The following EPHA6 variants were observed in gnomAD, a reference collection of about 807,000 sequenced individuals.
EPHA6 encodes the protein ephrin type-A receptor 6.
In EPHA6, 50 loss-of-function variants were observed where a neutral mutation model predicts 112.0. The ratio of observed to expected loss-of-function variants is 0.45; its 90% CI spans 0.36 to 0.56. EPHA6 has a LOEUF of 0.56. EPHA6 is among the 20% of genes least tolerant of loss of function. The pLI, the probability that EPHA6 is intolerant of heterozygous loss-of-function variation, is 0.00. For synonymous variants in EPHA6, 529 were observed against 490.7 expected, an observed-to-expected ratio of 1.08 and a Z score of -1.03; for missense variants, 1,280 against 1,417.4, an observed-to-expected ratio of 0.90 and a Z score of 1.56.
intron 3 of EPHA6, among the ~76,000 whole-genome samples, chr3:97,001,215 A>C (rs966866364): frequency 6.6e-6 from 1 of 151,834 alleles, no homozygotes; most frequent in Non-Finnish European, 1.5e-5. Context: ...AAATAGCAAC[A>C]GGGAACATTT....
chr3:97,337,892 G>C (rs2083132975), intron 5 of EPHA6, among the ~76,000 whole-genome samples: 1 of 152,104 alleles, frequency 6.6e-6, no homozygotes, highest in South Asian at 2.1e-4. Flanking sequence ...CAACTCAGTG[G>C]GTGGAGGATG....
At position 96,987,393 on chromosome 3, in the gene EPHA6, G is replaced by A. The variant is rs767774306; in HGVS notation, c.514G>A (p.Val172Ile). The A allele has an allele frequency of 8.1e-6, 13 of 1,613,778 alleles. No homozygotes were observed. The South Asian group carries it at 8.8e-5, about 11-fold the overall frequency. ...RPIHTYQVCNVMEPNQNNWLR... is the reference protein window; with the variant it reads ...RPIHTYQVCNIMEPNQNNWLR... ...CATTCACACATACCAGGTATGTAAT[G>A]TAATGGAACCAAACCAAAACAACTG... Residue 172 changes from valine (V) to isoleucine (I), a missense_variant, in exon 3 of 18, where the codon GTA (valine) becomes ATA (isoleucine). Val to Ile is a conservative substitution (Grantham distance 29). Around this residue, in one of 4 missense-constraint regions of EPHA6, gnomAD observed 878 missense variants for 999.7 expected, o/e 0.88. Transcript: ENST00000389672.
chr3:97,596,477 T>C (rs1383807571), intron 12 of EPHA6, among the ~76,000 whole-genome samples: 1 of 152,040 alleles, frequency 6.6e-6, no homozygotes, highest in Non-Finnish European at 1.5e-5. Context: ...TCTACATTAA[T>C]AGTGATGGAG....
At chr3:96,984,827 G>A (rs548227805) in intron 2 of EPHA6, among the ~76,000 whole-genome samples, 15 of 152,320 alleles carry the variant, frequency 9.8e-5, no homozygotes, top group African/African-American at 1.2e-4. Context: ...GCAAGGCTCC[G>A]TGGGCATGGC....
intron 2 of EPHA6, among the ~76,000 whole-genome samples, chr3:96,953,010 A>G (rs2041614214): frequency 6.6e-6 from 1 of 152,182 alleles, no homozygotes; most frequent in Admixed American, 6.6e-5. Flanking sequence ...CCCTAAATTT[A>G]AAGTAAAAGT....
intron 3 of EPHA6, among the ~76,000 whole-genome samples, chr3:97,106,315 CT>C (rs141764697): frequency 1.3e-5 from 2 of 151,540 alleles, no homozygotes; most frequent in East Asian, 1.9e-4. Flanking sequence ...ACTGATTCAA[CT>C]TTTTTTTTCT....
rs1388083545 is a variant in EPHA6, at chr3:97,244,123, G to A, written c.1442G>A (p.Arg481His). Residue 481 changes from arginine (R) to histidine (H), a missense_variant, in exon 5 of 18, where the codon CGC becomes CAC. Transcript: ENST00000389672. The part of the protein sequence containing the change: ...SQCEDCGGGL[R>H]FIPRHTGLIN... Reference sequence around the variant, plus strand: ...TGTGAGGACTGTGGTGGAGGACTCCGCTTCATCCCAAGACATACAGGCCTG... The same window carrying A: ...TGTGAGGACTGTGGTGGAGGACTCCACTTCATCCCAAGACATACAGGCCTG... The A allele has an allele frequency of 4.3e-6, 7 of 1,612,894 alleles. No homozygotes were observed. The highest frequency in any genetic ancestry group is 4.5e-5 in the East Asian group (2 of 44,874).
chr3:96,891,586 G>A (rs984241153), intron 2 of EPHA6, among the ~76,000 whole-genome samples: 12 of 152,116 alleles, frequency 7.9e-5, no homozygotes, highest in African/African-American at 2.7e-4. Flanking sequence ...ACGGGTTCCT[G>A]TAATCCCAGC....
intron 4 of EPHA6, among the ~76,000 whole-genome samples, chr3:97,234,940 A>T (rs1186194123): frequency 6.6e-6 from 1 of 151,706 alleles, no homozygotes; most frequent in Admixed American, 6.6e-5. Flanking sequence ...ATTATAGCAT[A>T]CTCCCCTTGA....
At chr3:96,899,526 CTA>C (rs767348914) in intron 2 of EPHA6, among the ~76,000 whole-genome samples, 1 of 152,146 alleles carries the variant, frequency 6.6e-6, no homozygotes, top group African/African-American at 2.4e-5. Context: ...AATATGTAGA[CTA>C]ATTCAATATG....
At chr3:97,490,300 TAC>T (rs2091807569) in intron 10 of EPHA6, among the ~76,000 whole-genome samples, 1 of 152,176 alleles carries the variant, frequency 6.6e-6, no homozygotes. Context: ...TTACAATTGT[TAC>T]ATTGCTTTAT....
chr3:97,288,064 AAAAAAAG>A (rs575159447), intron 5 of EPHA6, among the ~76,000 whole-genome samples: 4,032 of 130,880 alleles, frequency 0.031, 175 homozygotes, highest in African/African-American at 0.12. Flanking sequence ...GACGTAAAAA[AAAAAAAG>A]AAAAAAGAAA....
intron 13 of EPHA6, among the ~76,000 whole-genome samples, chr3:97,629,844 T>C (rs1254265988): frequency 6.6e-6 from 1 of 152,030 alleles, no homozygotes; most frequent in South Asian, 2.1e-4. Context: ...TCTGATATGC[T>C]CTAATGATGC....
intron 6 of EPHA6, among the ~76,000 whole-genome samples, chr3:97,426,124 G>A (rs768955687): frequency 5.9e-5 from 9 of 152,022 alleles, no homozygotes; most frequent in Non-Finnish European, 1.3e-4. Flanking sequence ...CCACATTTTC[G>A]AGTATCTTTA....
chr3:97,486,340 C>T (rs2091697801), intron 10 of EPHA6, among the ~76,000 whole-genome samples: 1 of 152,190 alleles, frequency 6.6e-6, no homozygotes, highest in Admixed American at 6.5e-5. Flanking sequence ...GTATGTGAGA[C>T]AAAAGTATTA....
intron 5 of EPHA6, among the ~76,000 whole-genome samples, chr3:97,382,402 GTT>G (rs1444871462): frequency 6.6e-6 from 1 of 151,980 alleles, no homozygotes; most frequent in Non-Finnish European, 1.5e-5. Context: ...TGTTCTTTGT[GTT>G]TGCTAGTATA....
chr3:97,303,133 A>T (rs2081164889), intron 5 of EPHA6, among the ~76,000 whole-genome samples: 2 of 152,006 alleles, frequency 1.3e-5, no homozygotes, highest in Non-Finnish European at 2.9e-5. Flanking sequence ...AAGTAGAATC[A>T]TTTCATACTG....
chr3:97,255,329 GT>G (rs1348656592), intron 5 of EPHA6, among the ~76,000 whole-genome samples: 1 of 152,102 alleles, frequency 6.6e-6, no homozygotes, highest in Non-Finnish European at 1.5e-5. Context: ...TTTCACCATG[GT>G]CATTCTGGCA....
intron 5 of EPHA6, among the ~76,000 whole-genome samples, chr3:97,345,760 T>C (rs1230070885): frequency 1.3e-5 from 2 of 152,194 alleles, no homozygotes; most frequent in African/African-American, 4.8e-5. Flanking sequence ...AAATTATTTA[T>C]AATTTAATTG....
Sources: allele counts gnomAD v4.1 joint callset (sites outside exome capture counted in the v4.1 genomes callset), GRCh38; gene constraint gnomAD v4.1.1; regional missense constraint gnomAD v4.1.1; transcripts MANE v1.5; gene names NCBI Gene and HGNC (gene_info 2026-07-23, HGNC 2026-07-21).